The following ADAMTS12 variants were observed in gnomAD, a reference collection of about 807,000 sequenced individuals.
ADAMTS12 encodes the protein ADAM metallopeptidase with thrombospondin type 1 motif 12, also known as A disintegrin and metalloproteinase with thrombospondin motifs 12.
Under a neutral mutation model 167.8 loss-of-function variants are expected in ADAMTS12, and 118 were observed. The observed-to-expected ratio is 0.70, with a 90% CI of 0.61 to 0.82. The LOEUF is 0.82. Among genes scored for constraint, ADAMTS12 ranks in the 40% least tolerant of loss-of-function variants. ADAMTS12 has a pLI of 0.00. For missense variants in ADAMTS12, 1,916 were observed against 1,998.8 expected (o/e 0.96, Z 0.79); for synonymous variants, 704 against 716.9 (o/e 0.98, Z 0.29).
At chr5:33,606,794 G>T (rs1361404219) in intron 16 of ADAMTS12, among the ~76,000 whole-genome samples, 1 of 152,180 alleles carries the variant, frequency 6.6e-6, no homozygotes, top group East Asian at 1.9e-4. Context: ...GCTGAACAAG[G>T]AGAGTGCTGG....
chr5:33,791,559 T>A (rs1217293759), intron 2 of ADAMTS12, among the ~76,000 whole-genome samples: 2 of 152,206 alleles, frequency 1.3e-5, no homozygotes, highest in Non-Finnish European at 2.9e-5. Flanking sequence ...CACCTGGGAA[T>A]TAGAAATTTG....
intron 22 of ADAMTS12, among the ~76,000 whole-genome samples, chr5:33,539,261 G>A (rs256645): frequency 0.49 from 74,978 of 152,042 alleles, 21,694 homozygotes; most frequent in African/African-American, 0.78. Flanking sequence ...TTTATTTTCA[G>A]TATTGCTGAT....
intron 21 of ADAMTS12, among the ~76,000 whole-genome samples, chr5:33,548,489 A>G (rs1745091863): frequency 6.6e-6 from 1 of 152,188 alleles, no homozygotes. Flanking sequence ...CACTCAAAAT[A>G]TGCAGGGTTC....
At chr5:33,597,952 T>C (rs1737987282) in intron 16 of ADAMTS12, among the ~76,000 whole-genome samples, 1 of 152,178 alleles carries the variant, frequency 6.6e-6, no homozygotes, top group African/African-American at 2.4e-5. Context: ...CCGAAAAGGC[T>C]TGTATCTGTG....
chr5:33,726,889 G>A (rs1744000877), intron 3 of ADAMTS12, among the ~76,000 whole-genome samples: 1 of 150,864 alleles, frequency 6.6e-6, no homozygotes, highest in Admixed American at 6.6e-5. Context: ...CCATGTGAAT[G>A]CATCCTTTTG....
chr5:33,850,151 G>C (rs1212422102), intron 2 of ADAMTS12, among the ~76,000 whole-genome samples: 2 of 152,114 alleles, frequency 1.3e-5, no homozygotes, highest in African/African-American at 4.8e-5. Flanking sequence ...CTCACCACCA[G>C]ACTGTGACCC....
At chr5:33,620,904 G>A (rs1022460485) in intron 14 of ADAMTS12, among the ~76,000 whole-genome samples, 5 of 152,128 alleles carry the variant, frequency 3.3e-5, no homozygotes, top group South Asian at 2.1e-4. Context: ...GTTCGACCCC[G>A]TGTTATTCAA....
At chr5:33,753,632 T>C (rs1389407083) in intron 2 of ADAMTS12, among the ~76,000 whole-genome samples, 1 of 147,828 alleles carries the variant, frequency 6.8e-6, no homozygotes, top group African/African-American at 2.5e-5. Context: ...GATGAAGGAG[T>C]TATTGATATT....
At chr5:33,729,944 C>T (rs1023843334) in intron 3 of ADAMTS12, among the ~76,000 whole-genome samples, 1 of 152,242 alleles carries the variant, frequency 6.6e-6, no homozygotes, top group South Asian at 2.1e-4. Flanking sequence ...AACCACCCAA[C>T]ATTTTCCAAA....
chr5:33,587,362 C>T (rs1470744442), intron 18 of ADAMTS12, among the ~76,000 whole-genome samples: 1 of 152,188 alleles, frequency 6.6e-6, no homozygotes, highest in Admixed American at 6.5e-5. Flanking sequence ...TTCTAATTGA[C>T]TTTCTGTGGC....
At chr5:33,766,522 G>A (rs191415986) in intron 2 of ADAMTS12, among the ~76,000 whole-genome samples, 5 of 152,212 alleles carry the variant, frequency 3.3e-5, no homozygotes, top group African/African-American at 1.2e-4. Context: ...TACTAGTAAC[G>A]TACCAATGTT....
rs575792048 is a variant in ADAMTS12, at chr5:33,580,932, CT to C, written c.2866-3773del. 2.1e-3 allele frequency among the ~76,000 whole-genome samples: 316 copies of C among 152,310 alleles called. 1 individual carries two copies. Among genetic ancestry groups the C allele is most frequent in the Non-Finnish European group, 3.8e-3 (257 of 68,024 alleles). On this transcript the variant is annotated intron_variant, in intron 18 of 23. Coordinates refer to ENST00000504830, the MANE Select transcript of ADAMTS12 (RefSeq NM_030955.4). The stretch of plus-strand genomic sequence containing the variant: ...TGCACCAACCTTCCATCCACATCTA[CT>C]TTCCTTAGCCAGCAGACATCGAATC...
In ADAMTS12 at chr5:33,819,310, T is replaced by C. The variant is rs370984876; in HGVS notation, c.489+61809A>G. On this transcript the variant is annotated intron_variant, in intron 2 of 23. Coordinates refer to ENST00000504830, the MANE Select transcript of ADAMTS12 (RefSeq NM_030955.4). ...TTTTGTCAGTGGAAATCTAGTTTTC[T>C]CAGCATCATTTATTTAAGAGACTAT... 5.0e-4 allele frequency among the ~76,000 whole-genome samples: 76 copies of C among 152,288 alleles called. 1 individual carries two copies. The South Asian group carries it at 0.014, about 29-fold the overall frequency.
At chr5:33,636,368 A>G (rs1392378730) in intron 12 of ADAMTS12, among the ~76,000 whole-genome samples, 1 of 152,188 alleles carries the variant, frequency 6.6e-6, no homozygotes, top group Non-Finnish European at 1.5e-5. Context: ...ATCACTTGAT[A>G]ATTTTGGAGT....
chr5:33,596,427 A>G (rs969449347), intron 16 of ADAMTS12, among the ~76,000 whole-genome samples: 3 of 152,168 alleles, frequency 2.0e-5, no homozygotes, highest in Non-Finnish European at 4.4e-5. Context: ...CACACCTGTA[A>G]TCCCAGCACT....
At chr5:33,737,401 G>A (rs1349283800) in intron 3 of ADAMTS12, among the ~76,000 whole-genome samples, 1 of 152,192 alleles carries the variant, frequency 6.6e-6, no homozygotes, top group East Asian at 1.9e-4. Flanking sequence ...AAAGTCAAAT[G>A]GTGGTTGCCA....
At chr5:33,646,391 C>T (rs1740664541) in intron 9 of ADAMTS12, among the ~76,000 whole-genome samples, 1 of 152,014 alleles carries the variant, frequency 6.6e-6, no homozygotes, top group South Asian at 2.1e-4. Flanking sequence ...ATGTGTAGGG[C>T]CTATGTAAGG....
intron 3 of ADAMTS12, among the ~76,000 whole-genome samples, chr5:33,740,762 G>T (rs1310533116): frequency 2.6e-5 from 4 of 152,154 alleles, no homozygotes; most frequent in Non-Finnish European, 4.4e-5. Flanking sequence ...AGTGGTAGCG[G>T]GATTGGAGCA....
At position 33,842,023 on chromosome 5, in the gene ADAMTS12, C is replaced by T. The variant is rs532206044; in HGVS notation, c.489+39096G>A. ...TTGACTTCATGATCTCCCTGAACAC[C>T]TGGACACCCGGGTAAATGCCATTAG... is the stretch of plus-strand genomic sequence containing the variant. On this transcript the variant is annotated intron_variant, in intron 2 of 23. Transcript: ENST00000504830. Among the ~76,000 whole-genome samples the T allele has an allele frequency of 2.6e-5, 4 of 152,272 alleles. 1 individual carries two copies. The highest frequency in any genetic ancestry group is 9.6e-5 in the African/African-American group (4 of 41,558).
Sources: gnomAD v4.1 joint callset for allele counts (sites outside exome capture counted in the v4.1 genomes callset) on GRCh38, gnomAD v4.1.1 for gene constraint, MANE v1.5 for transcripts, NCBI Gene and HGNC (gene_info 2026-07-23, HGNC 2026-07-21) for gene names.